The following SHCBP1 variants were observed in gnomAD, a reference collection of about 807,000 sequenced individuals.
SHCBP1 encodes SHC SH2 domain-binding protein 1.
SHCBP1 carries 60 observed loss-of-function variants against 75.1 expected under a neutral mutation model. The observed-to-expected ratio is 0.80, with a 90% CI of 0.65 to 0.99. The LOEUF (loss-of-function observed/expected upper bound fraction) is 0.99, where lower values mean the gene tolerates loss of function less well. SHCBP1 is among the 50% of genes least tolerant of loss of function. The pLI, the probability that SHCBP1 is intolerant of heterozygous loss-of-function variation, is 0.00. For missense variants in SHCBP1, 709 were observed against 809.4 expected, an observed-to-expected ratio of 0.88 and a Z score of 1.50; for synonymous variants, 290 against 293.2, an observed-to-expected ratio of 0.99 and a Z score of 0.11.
In SHCBP1 at chr16:46,580,566, A is replaced by C. The variant is rs114722965; in HGVS notation, c.*1163T>G. The stretch of plus-strand genomic sequence containing the variant: ...TAACAAGATTCAATTTTGTTATTTC[A>C]TCACTATAATTTTAATCATTAGGCA... On this transcript the variant is annotated 3_prime_UTR_variant, in exon 13 of 13. Transcript: ENST00000303383. 675 of 152,258 alleles carry C rather than the reference A, an allele frequency of 4.4e-3. 6 individuals carry two copies. The highest frequency in any genetic ancestry group is 0.016 in the African/African-American group (656 of 41,550). 9.4% of individuals were successfully genotyped at this position (152,258 alleles called of 1,614,324 possible). A position where few individuals can be genotyped will look rare whatever the true frequency, so the allele number is the denominator to read the frequency against.
chr16:46,618,187 A>G lies in SHCBP1; in HGVS notation c.271+18T>C, dbSNP rs538482086. 18 of 1,571,358 alleles carry G rather than the reference A, an allele frequency of 1.1e-5. No homozygotes were observed. Among genetic ancestry groups the G allele is most frequent in the Middle Eastern group, 3.8e-4 (2 of 5,210 alleles). On this transcript the variant is annotated intron_variant, in intron 2 of 12. Coordinates refer to ENST00000303383, the MANE Select transcript of SHCBP1 (RefSeq NM_024745.5). ...GCGAAACTCCATCTCAAAAAAAAAAAGCAAAAAACCTACTCACCTAAAATG... is the reference window on the plus strand; with the variant it reads ...GCGAAACTCCATCTCAAAAAAAAAAGGCAAAAAACCTACTCACCTAAAATG...
rs755727601 is a variant in SHCBP1, at chr16:46,581,843, T to G, written c.1905A>C (p.Glu635Asp). 8.1e-6 allele frequency: 13 copies of G among 1,614,082 alleles called. No homozygotes were observed. The highest frequency in any genetic ancestry group is 1.1e-5 in the Non-Finnish European group (13 of 1,180,042). Residue 635 changes from glutamate (E) to aspartate (D), a missense_variant, in exon 13 of 13, where the codon GAA becomes GAC. Transcript: ENST00000303383. ...KGQIKKKRLS[E>D]LGITQADDNL... ...TGTCATCAGCTTGCGTGATCCCCAG[T>G]TCACTCAACCTTTTCTTCTTTATCT...
In SHCBP1 at chr16:46,621,365, A is replaced by T. The variant is rs1381790938; in HGVS notation, c.-6T>A. Reference sequence around the variant, plus strand: ...GTCAGCGACCCGTCAGCCATTTCAAATTTCCGCGGACGGCAGCCCAGGCAA... The same window carrying T: ...GTCAGCGACCCGTCAGCCATTTCAATTTTCCGCGGACGGCAGCCCAGGCAA... On this transcript the variant is annotated 5_prime_UTR_variant, in exon 1 of 13. Coordinates refer to ENST00000303383, the MANE Select transcript of SHCBP1 (RefSeq NM_024745.5). 14 of 1,610,158 alleles carry T rather than the reference A, an allele frequency of 8.7e-6. No homozygotes were observed. Among genetic ancestry groups the T allele is most frequent in the Non-Finnish European group, 1.1e-5 (13 of 1,178,426 alleles).
intron 9 of SHCBP1, among the ~76,000 whole-genome samples, 163 bp downstream of exon 9, chr16:46,599,668 G>GT (rs1965197613): frequency 2.5e-3 from 2 of 810 alleles, no homozygotes; most frequent in Admixed American, 0.019. Context: ...CCTTCAATTT[G>GT]TAAAAAAAAA....
intron 10 of SHCBP1, among the ~76,000 whole-genome samples, chr16:46,589,595 T>C (rs1306476599): frequency 2.6e-5 from 4 of 152,084 alleles, no homozygotes; most frequent in Admixed American, 1.3e-4. Flanking sequence ...GAGAATAAAA[T>C]ACTTAGGAAT....
At chr16:46,606,024 G>A (rs963550084) in intron 5 of SHCBP1, among the ~76,000 whole-genome samples, 3 of 151,812 alleles carry the variant, frequency 2.0e-5, no homozygotes, top group Non-Finnish European at 2.9e-5. Flanking sequence ...AAGAAATTGA[G>A]GATGAAACCA....
chr16:46,584,092 G>A lies in SHCBP1; in HGVS notation c.1465-3C>T, dbSNP rs367832924. On this transcript the variant is annotated splice_polypyrimidine_tract_variant and splice_region_variant and intron_variant, in intron 10 of 12. Coordinates refer to ENST00000303383, the MANE Select transcript of SHCBP1 (RefSeq NM_024745.5). ...GGGTAGATTTCTATACCAGCACCCT[G>A]TGAGTCACAGTTTGAGATAATGACA... The A allele has an allele frequency of 1.1e-5, 18 of 1,582,272 alleles. No individual in the cohort carries two copies. In the African/African-American group the frequency reaches 1.7e-4, roughly 15 times the overall value.
Position 46,579,292 on chromosome 16 carries a change from T to C in SHCBP1, c.*2437A>G, listed in dbSNP as rs1964836059. Among the ~76,000 whole-genome samples the C allele has an allele frequency of 1.3e-5, 2 of 152,190 alleles. No homozygotes were observed. Among genetic ancestry groups the C allele is most frequent in the Admixed American group, 6.5e-5 (1 of 15,278 alleles). ...TCTAGGGCACTCCCTAAATTCCCTA[T>C]GCTATACCATTTGAGATGTTTAACT... On this transcript the variant is annotated 3_prime_UTR_variant, in exon 13 of 13. Coordinates refer to ENST00000303383, the MANE Select transcript of SHCBP1 (RefSeq NM_024745.5).
At chr16:46,592,676 T>C (rs576672004) in intron 10 of SHCBP1, among the ~76,000 whole-genome samples, 2 of 152,072 alleles carry the variant, frequency 1.3e-5, no homozygotes, top group East Asian at 1.9e-4. Context: ...TATTCATGAA[T>C]ATAGATGCAA....
intron 7 of SHCBP1, 99 bp from the exon 8 acceptor site, chr16:46,603,758 C>A: frequency 6.7e-7 from 1 of 1,483,152 alleles, no homozygotes; most frequent in Non-Finnish European, 9.2e-7. Flanking sequence ...AAAATGGAAG[C>A]CAAAAACTGC....
rs749245057 is a variant in SHCBP1, at chr16:46,604,443, T to G, written c.708A>C (p.Glu236Asp). ...PRLRLHYDIL[E>D]DRVPSGLIVD... Reference sequence around the variant, plus strand: ...CAATAAGTCCTGATGGAACTCGGTCTTCAAGAATGTCATAATGCCTGAAAG... The same window carrying G: ...CAATAAGTCCTGATGGAACTCGGTCGTCAAGAATGTCATAATGCCTGAAAG... The change falls in exon 6 of 13, where the codon GAA becomes GAC. Residue 236 changes from glutamate (E) to aspartate (D), a missense_variant. By Grantham distance (45) the Glu-to-Asp change is conservative. Coordinates refer to ENST00000303383, the MANE Select transcript of SHCBP1 (RefSeq NM_024745.5). 4.0e-5 allele frequency: 65 copies of G among 1,610,920 alleles called. 1 individual carries two copies. Among genetic ancestry groups the G allele is most frequent in the Non-Finnish European group, 5.4e-5 (64 of 1,177,330 alleles).
intron 4 of SHCBP1, among the ~76,000 whole-genome samples, chr16:46,609,592 C>CA (rs908017082): frequency 6.6e-6 from 1 of 151,736 alleles, no homozygotes; most frequent in African/African-American, 2.4e-5. Context: ...GCTGGGATTA[C>CA]AGGCAACCGC....
At position 46,604,339 on chromosome 16, in the gene SHCBP1, C is replaced by A; in HGVS notation, c.812G>T (p.Cys271Phe). Residue 271 changes from cysteine to phenylalanine, a missense_variant, in exon 6 of 13, where the codon TGT becomes TTT. By Grantham distance (205) the Cys-to-Phe change is radical. Transcript: ENST00000303383. ...FLNLRSSLSN[C>F]NSDSEQENIS... ...ATTTTCCTGCTCGGAATCAGAGTTACAATTTGACAAACTGCTTCTCAGATT... is the reference window on the plus strand; with the variant it reads ...ATTTTCCTGCTCGGAATCAGAGTTAAAATTTGACAAACTGCTTCTCAGATT... 6.2e-7 allele frequency: 1 copy of A among 1,614,194 alleles called. No homozygotes were observed. Among genetic ancestry groups the A allele is most frequent in the Non-Finnish European group, 8.5e-7 (1 of 1,180,016 alleles).
intron 4 of SHCBP1, among the ~76,000 whole-genome samples, chr16:46,613,443 C>T (rs1035046565): frequency 2.0e-5 from 3 of 152,164 alleles, no homozygotes; most frequent in African/African-American, 4.8e-5. Context: ...AACAAATCCC[C>T]GCACTGTCTG....
rs1396748438 is a variant in SHCBP1, at chr16:46,604,319, C to T, written c.832G>A (p.Glu278Lys). 5 of 1,614,086 alleles carry T rather than the reference C, an allele frequency of 3.1e-6. No homozygotes were observed. The highest frequency in any genetic ancestry group is 4.2e-6 in the Non-Finnish European group (5 of 1,180,038). ...LSNCNSDSEQ[E>K]NISMVEGLKL... ...AACCCTTCCACCATGGAGATATTTTCCTGCTCGGAATCAGAGTTACAATTT... is the reference window on the plus strand; with the variant it reads ...AACCCTTCCACCATGGAGATATTTTTCTGCTCGGAATCAGAGTTACAATTT... The change falls in exon 6 of 13, where the codon GAA becomes AAA. Residue 278 changes from glutamate to lysine, a missense_variant. By Grantham distance (56) the Glu-to-Lys change is moderately conservative (BLOSUM62 1). Coordinates refer to ENST00000303383, the MANE Select transcript of SHCBP1 (RefSeq NM_024745.5).
At chr16:46,583,746 T>A in intron 11 of SHCBP1, 89 bp from the exon 12 acceptor site, 1 of 1,467,826 alleles carries the variant, frequency 6.8e-7, no homozygotes, top group Admixed American at 2.3e-5. Flanking sequence ...ATTCTAAAAA[T>A]AAAAGGAAAA....
chr16:46,604,345 G>C lies in SHCBP1; in HGVS notation c.806C>G (p.Ser269Ter), dbSNP rs1183567100. ...RKFLNLRSSL[S>*]NCNSDSEQEN... ...CTGCTCGGAATCAGAGTTACAATTTGACAAACTGCTTCTCAGATTTAAAAA... is the reference window on the plus strand; with the variant it reads ...CTGCTCGGAATCAGAGTTACAATTTCACAAACTGCTTCTCAGATTTAAAAA... The change falls in exon 6 of 13, where the codon TCA becomes TGA. Residue 269 changes from serine (S) to a stop codon, truncating the protein, a stop_gained. Coordinates refer to ENST00000303383, the MANE Select transcript of SHCBP1 (RefSeq NM_024745.5). LOFTEE classifies it high-confidence loss of function. 1.2e-6 allele frequency: 2 copies of C among 1,614,126 alleles called. No homozygotes were observed. Among genetic ancestry groups the C allele is most frequent in the African/African-American group, 1.3e-5 (1 of 75,046 alleles).
rs971283991 is a variant in SHCBP1, at chr16:46,579,050, A to G, written c.*2679T>C. Among the ~76,000 whole-genome samples, 1 of 152,224 alleles carries G rather than the reference A, an allele frequency of 6.6e-6. No individual in the cohort carries two copies. The highest frequency in any genetic ancestry group is 2.4e-5 in the African/African-American group (1 of 41,464). The stretch of plus-strand genomic sequence containing the variant: ...TAAAAATATATTCGTGTTAATATCT[A>G]TGGTGCAATAATACAACAAGAAACT... On this transcript the variant is annotated 3_prime_UTR_variant, in exon 13 of 13. Transcript: ENST00000303383.
chr16:46,616,797 G>T lies in SHCBP1; in HGVS notation c.388-643C>A, dbSNP rs72816848. 3.3e-5 allele frequency among the ~76,000 whole-genome samples: 5 copies of T among 152,126 alleles called. No homozygotes were observed. Among genetic ancestry groups the T allele is most frequent in the African/African-American group, 4.8e-5 (2 of 41,418 alleles). On this transcript the variant is annotated intron_variant, in intron 3 of 12. Transcript: ENST00000303383. This position sits in a 1 kb window ranked among gnomAD's most constrained non-coding sequence, Gnocchi z 4.4. Reference sequence around the variant, plus strand: ...TAAAACAATGACTTTCATTGTTTTCGGAGAACTGATTGGCGGGGGGGCACT... The same window carrying T: ...TAAAACAATGACTTTCATTGTTTTCTGAGAACTGATTGGCGGGGGGGCACT...
Sources: gnomAD v4.1 joint callset for allele counts (sites outside exome capture counted in the v4.1 genomes callset) on GRCh38, gnomAD v4.1.1 for gene constraint, Gnocchi (gnomAD v3.1) non-coding constraint, MANE v1.5 for transcripts, NCBI Gene and HGNC (gene_info 2026-07-23, HGNC 2026-07-21) for gene names.